The following PEX14 variants were observed in gnomAD, a reference collection of about 807,000 sequenced individuals.
PEX14 encodes the protein peroxisomal membrane protein PEX14.
PEX14 carries 15 observed loss-of-function variants against 49.5 expected under a neutral mutation model. That is an observed-to-expected ratio of 0.30 (90% CI 0.20 to 0.47). The LOEUF is 0.47. Among genes scored for constraint, PEX14 ranks in the 20% least tolerant of loss-of-function variants. PEX14 has a pLI of 1.00. For missense variants in PEX14, 398 were observed against 494.8 expected (o/e 0.80, Z 1.86); for synonymous variants, 210 against 212.7 (o/e 0.99, Z 0.11).
In PEX14 at chr1:10,507,572, A is replaced by T. The variant is rs1338450120; in HGVS notation, c.84+12251A>T. 2.6e-5 allele frequency among the ~76,000 whole-genome samples: 4 copies of T among 152,320 alleles called. No homozygotes were observed. In the East Asian group the frequency reaches 7.7e-4, roughly 29 times the overall value. Reference sequence around the variant, plus strand: ...GGAGAGGAGATAATAGGATCTTTTCATGTGATGTCTATATAGCAAGGTGCT... The same window carrying T: ...GGAGAGGAGATAATAGGATCTTTTCTTGTGATGTCTATATAGCAAGGTGCT... On this transcript the variant is annotated intron_variant, in intron 2 of 8. Transcript: ENST00000356607.
At chr1:10,516,468 T>C (rs1456357910) in intron 2 of PEX14, among the ~76,000 whole-genome samples, 1 of 152,238 alleles carries the variant, frequency 6.6e-6, no homozygotes, top group East Asian at 1.9e-4. Flanking sequence ...GAACCAAACC[T>C]GTTTTCATTA....
chr1:10,518,814 G>A lies in PEX14; in HGVS notation c.85-17399G>A, dbSNP rs1417593614. Among the ~76,000 whole-genome samples the A allele has an allele frequency of 3.3e-5, 5 of 152,202 alleles. No homozygotes were observed. In the East Asian group the frequency reaches 5.8e-4, roughly 18 times the overall value. On this transcript the variant is annotated intron_variant, in intron 2 of 8. Coordinates refer to ENST00000356607, the MANE Select transcript of PEX14 (RefSeq NM_004565.3). ...GCATCTTTGGGCTCTTTACAGAAGAGATGCTTCTCCTTCCCTTCCTGGCAC... is the reference window on the plus strand; with the variant it reads ...GCATCTTTGGGCTCTTTACAGAAGAAATGCTTCTCCTTCCCTTCCTGGCAC...
At chr1:10,620,449 C>A (rs1641556629) in intron 5 of PEX14, among the ~76,000 whole-genome samples, 1 of 152,032 alleles carries the variant, frequency 6.6e-6, no homozygotes, top group Non-Finnish European at 1.5e-5. Context: ...GATCACACTA[C>A]TGCACTCCAG....
At position 10,604,462 on chromosome 1, in the gene PEX14, T is replaced by A. The variant is rs74977269; in HGVS notation, c.298+5096T>A. On this transcript the variant is annotated intron_variant, in intron 4 of 8. Coordinates refer to ENST00000356607, the MANE Select transcript of PEX14 (RefSeq NM_004565.3). The stretch of plus-strand genomic sequence containing the variant: ...GTGAGATGCCATCTCTGTAAAAAAA[T>A]TTAAAAAACAAAACTAGCCAGGCAT... 1.5e-3 allele frequency among the ~76,000 whole-genome samples: 227 copies of A among 151,986 alleles called. 3 individuals are homozygous for A. The East Asian group carries it at 0.038, about 25-fold the overall frequency.
At chr1:10,618,446 T>C in intron 5 of PEX14, 29 bp downstream of exon 5, 1 of 1,522,666 alleles carries the variant, frequency 6.6e-7, no homozygotes. Flanking sequence ...CTGCAGGTGC[T>C]GTGCCCCTGC....
chr1:10,606,663 C>A (rs1269432990), intron 4 of PEX14, among the ~76,000 whole-genome samples: 4 of 152,094 alleles, frequency 2.6e-5, no homozygotes, highest in Non-Finnish European at 5.9e-5. Context: ...ATGTTATATT[C>A]TTTTGTATGT....
At chr1:10,627,429 C>T in intron 8 of PEX14, 66 bp downstream of exon 8, 1 of 1,156,270 alleles carries the variant, frequency 8.6e-7, no homozygotes, top group South Asian at 1.2e-5. Context: ...AGCTCTGGGG[C>T]ATGGGAGGGG....
At chr1:10,515,341 T>G (rs886965144) in intron 2 of PEX14, among the ~76,000 whole-genome samples, 1 of 151,848 alleles carries the variant, frequency 6.6e-6, no homozygotes, top group Non-Finnish European at 1.5e-5. Context: ...AAAATGCACA[T>G]AAGACTTGAA....
intron 3 of PEX14, among the ~76,000 whole-genome samples, chr1:10,564,574 G>C (rs1639746746): frequency 6.7e-6 from 1 of 148,554 alleles, no homozygotes; most frequent in Non-Finnish European, 1.5e-5. Flanking sequence ...ACCACACCTG[G>C]CCTGATTTTT....
chr1:10,591,092 G>T (rs564720440), intron 3 of PEX14, among the ~76,000 whole-genome samples: 29 of 152,190 alleles, frequency 1.9e-4, no homozygotes, highest in Admixed American at 5.9e-4. Flanking sequence ...GAACATATGA[G>T]ACGGCGTATG....
chr1:10,551,215 C>T (rs1275232484), intron 3 of PEX14, among the ~76,000 whole-genome samples: 1 of 152,208 alleles, frequency 6.6e-6, no homozygotes, highest in East Asian at 1.9e-4. Flanking sequence ...TGACCTTCTG[C>T]AGCGGAATCA....
intron 1 of PEX14, among the ~76,000 whole-genome samples, chr1:10,478,611 G>T (rs751429923): frequency 6.6e-6 from 1 of 152,134 alleles, no homozygotes; most frequent in Non-Finnish European, 1.5e-5. Flanking sequence ...TTGAGACAGG[G>T]TCTCACTCTG....
chr1:10,518,337 A>T (rs1642006786), intron 2 of PEX14, among the ~76,000 whole-genome samples: 1 of 152,084 alleles, frequency 6.6e-6, no homozygotes, highest in South Asian at 2.1e-4. Context: ...ACAGACCTGC[A>T]AGACTGAACA....
chr1:10,572,374 G>T (rs112258492), intron 3 of PEX14, among the ~76,000 whole-genome samples: 169 of 152,254 alleles, frequency 1.1e-3, no homozygotes, highest in Non-Finnish European at 2.1e-3. Flanking sequence ...ATTAGGCAAA[G>T]ATTTCTTAAT....
At chr1:10,627,189 C>T in intron 7 of PEX14, 83 bp from the exon 8 acceptor site, 1 of 911,204 alleles carries the variant, frequency 1.1e-6, no homozygotes, top group Non-Finnish European at 1.8e-6. Context: ...CACCTGCTGC[C>T]CCCACCCAGG....
chr1:10,629,851 A>T lies in PEX14; in HGVS notation c.998A>T (p.Asp333Val). The change falls in exon 9 of 9, where the codon GAT becomes GTT. Residue 333 changes from aspartate to valine, a missense_variant. Physicochemically the swap from Asp to Val is radical, Grantham distance 152 (BLOSUM62 -3). Around this residue, in one of 3 missense-constraint regions of PEX14, gnomAD observed 140 missense variants for 155.5 expected, o/e 0.90. Coordinates refer to ENST00000356607, the MANE Select transcript of PEX14 (RefSeq NM_004565.3). This position sits in a 1 kb window ranked among gnomAD's most constrained non-coding sequence, Gnocchi z 8.5. Reference sequence around the variant, plus strand: ...GACGAGGAGGATGAGGAGGATGATGATGTGAGCCATGTGGACGAGGAGGAC... The same window carrying T: ...GACGAGGAGGATGAGGAGGATGATGTTGTGAGCCATGTGGACGAGGAGGAC... ...KEDEEDEEDDDVSHVDEEDCL... is the reference protein window; with the variant it reads ...KEDEEDEEDDVVSHVDEEDCL... 1.2e-6 allele frequency: 2 copies of T among 1,609,618 alleles called. No homozygotes were observed. The highest frequency in any genetic ancestry group is 1.7e-6 in the Non-Finnish European group (2 of 1,176,688).
chr1:10,546,421 C>T (rs572454718), intron 3 of PEX14, among the ~76,000 whole-genome samples: 7 of 151,776 alleles, frequency 4.6e-5, no homozygotes, highest in South Asian at 2.1e-4. Flanking sequence ...CAAAATTAGC[C>T]GGGTGTGGTG....
intron 4 of PEX14, among the ~76,000 whole-genome samples, chr1:10,609,299 GGTA>G (rs1176649870): frequency 7.2e-5 from 11 of 151,998 alleles, no homozygotes; most frequent in Non-Finnish European, 1.5e-5. Flanking sequence ...TGCTGGATGT[GGTA>G]GTTTTATGTT....
chr1:10,563,884 C>T (rs1639727497), intron 3 of PEX14, among the ~76,000 whole-genome samples: 1 of 151,712 alleles, frequency 6.6e-6, no homozygotes, highest in Admixed American at 6.6e-5. Context: ...TGCACTACAG[C>T]CTGGCGACAG....
Sources: gnomAD v4.1 joint callset for allele counts (sites outside exome capture counted in the v4.1 genomes callset) on GRCh38, gnomAD v4.1.1 for gene constraint, gnomAD v4.1.1 regional missense constraint, Gnocchi (gnomAD v3.1) non-coding constraint, MANE v1.5 for transcripts, NCBI Gene and HGNC (gene_info 2026-07-23, HGNC 2026-07-21) for gene names.